Variants in GBX1 observed in about 807,000 individuals in gnomAD.
GBX1 encodes gastrulation brain homeobox 1.
A neutral mutation model predicts 22.9 loss-of-function variants in GBX1; 9 were observed. That is an observed-to-expected ratio of 0.39 (90% CI 0.24 to 0.69). GBX1 has a LOEUF of 0.69. Among genes scored for constraint, GBX1 ranks in the 30% least tolerant of loss-of-function variants. GBX1 has a pLI of 0.43. For synonymous variants in GBX1, 203 were observed against 227.3 expected (o/e 0.89, Z 0.96); for missense variants, 494 against 509.2 (o/e 0.97, Z 0.29).
intron 1 of GBX1, among the ~76,000 whole-genome samples, chr7:151,162,679 A>G (rs1420118987): frequency 1.3e-5 from 2 of 152,152 alleles, no homozygotes; most frequent in Non-Finnish European, 2.9e-5. Flanking sequence ...CATCCATCTA[A>G]CAAATATATA....
Position 151,167,498 on chromosome 7 carries a change from G to A in GBX1, c.51C>T (p.Gly17=). ...AGAAGGCAGTGCCCGGGCCCCCGCC[G>A]CCGCCCCCGCCGTTGCCCCCAGGGG... ...GSAPGGNGGG[G]GGGPGTAFSI... The change falls in exon 1 of 2, where the codon GGC becomes GGT. Residue 17 remains glycine, a synonymous_variant. Transcript: ENST00000297537. This position sits in a 1 kb window ranked among gnomAD's most constrained non-coding sequence, Gnocchi z 5.9. 2.7e-6 allele frequency: 4 copies of A among 1,479,816 alleles called. No homozygotes were observed. Among genetic ancestry groups the A allele is most frequent in the South Asian group, 2.6e-5 (2 of 78,102 alleles). 91.7% of individuals were successfully genotyped at this position (1,479,816 alleles called of 1,614,324 possible).
chr7:151,167,088 A>G lies in GBX1; in HGVS notation c.461T>C (p.Leu154Pro), dbSNP rs537304457. Reference protein sequence around the residue: ...PEGGLEADELLPAREKVAEPP... With the variant: ...PEGGLEADELPPAREKVAEPP... The stretch of plus-strand genomic sequence containing the variant: ...CTCTGCCACTTTCTCCCGGGCCGGC[A>G]GCAGCTCATCAGCTTCCAGCCCACC... The change falls in exon 1 of 2, where the codon CTG becomes CCG. Residue 154 changes from leucine (L) to proline (P), a missense_variant. Transcript: ENST00000297537. This position sits in a 1 kb window ranked among gnomAD's most constrained non-coding sequence, Gnocchi z 5.9. 6.2e-7 allele frequency: 1 copy of G among 1,603,954 alleles called. No individual in the cohort carries two copies. Among genetic ancestry groups the G allele is most frequent in the Non-Finnish European group, 8.5e-7 (1 of 1,176,660 alleles).
intron 1 of GBX1, among the ~76,000 whole-genome samples, chr7:151,162,785 A>C (rs1801200242): frequency 2.0e-5 from 3 of 147,060 alleles, no homozygotes; most frequent in Non-Finnish European, 3.0e-5. Flanking sequence ...GACACCCCCA[A>C]CTCAAAGTTT....
chr7:151,160,589 T>C (rs1001454093), intron 1 of GBX1, among the ~76,000 whole-genome samples: 5 of 152,212 alleles, frequency 3.3e-5, no homozygotes, highest in African/African-American at 9.6e-5. Flanking sequence ...ATAAGGATCA[T>C]TGCTTTCCCC....
intron 1 of GBX1, among the ~76,000 whole-genome samples, chr7:151,152,589 T>A (rs1381706333): frequency 6.6e-6 from 1 of 152,186 alleles, no homozygotes; most frequent in Non-Finnish European, 1.5e-5. Context: ...AGGCAGAAAC[T>A]AGACTTCGAG....
intron 1 of GBX1, among the ~76,000 whole-genome samples, chr7:151,150,438 T>C (rs1437070787): frequency 6.6e-6 from 1 of 152,216 alleles, no homozygotes; most frequent in Non-Finnish European, 1.5e-5. Flanking sequence ...TATGTAGGAA[T>C]GCATCTCCCT....
chr7:151,157,041 T>C (rs563366758), intron 1 of GBX1, among the ~76,000 whole-genome samples: 13 of 145,606 alleles, frequency 8.9e-5, no homozygotes, highest in African/African-American at 3.3e-4. Context: ...ATAACGTCTG[T>C]AATCCCAGCA....
chr7:151,167,599 T>TGCGCCCCGCGGCTCGG lies in GBX1; in HGVS notation c.-67_-52dup, dbSNP rs1293556336. ...GGGCGCTCCTCTCTGGGCGCCTCCG[T>TGCGCCCCGCGGCTCGG]GCGCCCCGCGGCTCGGGCGCCCCGC... On this transcript the variant is annotated 5_prime_UTR_variant, in exon 1 of 2. Coordinates refer to ENST00000297537, the MANE Select transcript of GBX1 (RefSeq NM_001098834.3). This position sits in a 1 kb window ranked among gnomAD's most constrained non-coding sequence, Gnocchi z 5.9. 31 of 1,268,002 alleles carry TGCGCCCCGCGGCTCGG rather than the reference T, an allele frequency of 2.4e-5. No homozygotes were observed. The African/African-American group carries it at 4.1e-4, about 17-fold the overall frequency. The allele number at this position is 1,268,002 out of a possible 1,614,324, so 78.5% of individuals were successfully genotyped here.
At position 151,160,509 on chromosome 7, in the gene GBX1, G is replaced by A. The variant is rs1021311604; in HGVS notation, c.538+6502C>T. ...TCCCAGTCCTCATATTTTGAACAGTGCCTTTTGCTTATAACCCTCATCTGA... is the reference window on the plus strand; with the variant it reads ...TCCCAGTCCTCATATTTTGAACAGTACCTTTTGCTTATAACCCTCATCTGA... On this transcript the variant is annotated intron_variant, in intron 1 of 1. Transcript: ENST00000297537. Among the ~76,000 whole-genome samples the A allele has an allele frequency of 2.6e-5, 4 of 152,290 alleles. 1 individual carries two copies. In the South Asian group the frequency reaches 8.3e-4, roughly 32 times the overall value.
At chr7:151,158,464 T>G (rs1801159623) in intron 1 of GBX1, among the ~76,000 whole-genome samples, 1 of 145,358 alleles carries the variant, frequency 6.9e-6, no homozygotes, top group African/African-American at 2.5e-5. Flanking sequence ...TTTGTTTTTG[T>G]TTTTTTTTTA....
chr7:151,153,363 A>G (rs1801099472), intron 1 of GBX1, among the ~76,000 whole-genome samples: 1 of 152,250 alleles, frequency 6.6e-6, no homozygotes, highest in South Asian at 2.1e-4. Context: ...GCAGAGAAAG[A>G]GAATGAGCAA....
At chr7:151,151,715 A>C (rs1414514483) in intron 1 of GBX1, among the ~76,000 whole-genome samples, 1 of 152,166 alleles carries the variant, frequency 6.6e-6, no homozygotes, top group African/African-American at 2.4e-5. Flanking sequence ...AAATACCCCC[A>C]GAGCCCAATC....
intron 1 of GBX1, among the ~76,000 whole-genome samples, chr7:151,161,962 CTG>C (rs1801192256): frequency 6.6e-6 from 1 of 152,200 alleles, no homozygotes; most frequent in African/African-American, 2.4e-5. Flanking sequence ...GAATCTCCCA[CTG>C]TGTCTCAAAT....
chr7:151,161,454 AGGG>A (rs145785241), intron 1 of GBX1, among the ~76,000 whole-genome samples: 1,872 of 152,324 alleles, frequency 0.012, 42 homozygotes, highest in African/African-American at 0.042. Flanking sequence ...TCTCTGATCC[AGGG>A]GGTTCTTCAC....
At chr7:151,152,900 A>G (rs896606088) in intron 1 of GBX1, among the ~76,000 whole-genome samples, 2 of 152,222 alleles carry the variant, frequency 1.3e-5, no homozygotes, top group African/African-American at 4.8e-5. Context: ...AGCCTTTATA[A>G]TCATGACATT....
rs764104949 is a variant in GBX1, at chr7:151,167,138, G to A, written c.411C>T (p.Pro137=). 2.5e-6 allele frequency: 4 copies of A among 1,602,344 alleles called. No homozygotes were observed. The Admixed American group carries it at 6.8e-5, about 27-fold the overall frequency. ...AAAATAARNN[P]EPGGRRPEGG... ...CCTCTGGGCGTCGGCCGCCTGGCTCGGGGTTGTTTCGGGCGGCAGTGGCGG... is the reference window on the plus strand; with the variant it reads ...CCTCTGGGCGTCGGCCGCCTGGCTCAGGGTTGTTTCGGGCGGCAGTGGCGG... Residue 137 remains proline (P), a synonymous_variant, in exon 1 of 2, where the codon CCC becomes CCT. Coordinates refer to ENST00000297537, the MANE Select transcript of GBX1 (RefSeq NM_001098834.3). This position sits in a 1 kb window ranked among gnomAD's most constrained non-coding sequence, Gnocchi z 5.9.
intron 1 of GBX1, among the ~76,000 whole-genome samples, chr7:151,162,980 A>G (rs191121119): frequency 1.3e-5 from 2 of 151,850 alleles, no homozygotes; most frequent in Non-Finnish European, 2.9e-5. Flanking sequence ...CTAATTTTGT[A>G]TTTTTAGTAG....
chr7:151,154,740 C>T (rs1202953580), intron 1 of GBX1, among the ~76,000 whole-genome samples: 4 of 152,160 alleles, frequency 2.6e-5, no homozygotes, highest in Admixed American at 6.5e-5. Flanking sequence ...CTCCAGGAGA[C>T]GTGCTTGCAT....
In GBX1 at chr7:151,167,122, G is replaced by T; in HGVS notation, c.427C>A (p.Arg143Ser). The T allele has an allele frequency of 6.2e-7, 1 of 1,602,142 alleles. No homozygotes were observed. The highest frequency in any genetic ancestry group is 8.5e-7 in the Non-Finnish European group (1 of 1,176,224). Reference sequence around the variant, plus strand: ...TCAGCTTCCAGCCCACCCTCTGGGCGTCGGCCGCCTGGCTCGGGGTTGTTT... The same window carrying T: ...TCAGCTTCCAGCCCACCCTCTGGGCTTCGGCCGCCTGGCTCGGGGTTGTTT... ...ARNNPEPGGR[R>S]PEGGLEADEL... Residue 143 changes from arginine to serine, a missense_variant, in exon 1 of 2, where the codon CGC becomes AGC. Coordinates refer to ENST00000297537, the MANE Select transcript of GBX1 (RefSeq NM_001098834.3). The surrounding 1 kb of genome is among the most constrained non-coding windows in gnomAD (Gnocchi z 5.9).
Sources: gnomAD v4.1 joint callset for allele counts (sites outside exome capture counted in the v4.1 genomes callset) on GRCh38, gnomAD v4.1.1 for gene constraint, Gnocchi (gnomAD v3.1) non-coding constraint, MANE v1.5 for transcripts, NCBI Gene and HGNC (gene_info 2026-07-23, HGNC 2026-07-21) for gene names.